Variants in NPHP3 observed in about 807,000 individuals in gnomAD.
The protein encoded by NPHP3 is nephrocystin 3.
Under a neutral mutation model 171.9 loss-of-function variants are expected in NPHP3, and 123 were observed. That is an observed-to-expected ratio of 0.72 (90% CI 0.62 to 0.83). The LOEUF is 0.83. Among genes scored for constraint, NPHP3 ranks in the 40% least tolerant of loss-of-function variants. NPHP3 has a pLI of 0.00. For missense variants in NPHP3, 1,506 were observed against 1,591.9 expected (o/e 0.95, Z 0.92); for synonymous variants, 558 against 579.2 (o/e 0.96, Z 0.52).
At chr3:132,696,873 G>A (rs1026026115) in intron 14 of NPHP3, 60 bp from the exon 15 acceptor site, 319 of 1,320,080 alleles carry the variant, frequency 2.4e-4, no homozygotes, top group African/African-American at 8.7e-5. Context: ...GGAATTAAGC[G>A]GTCTTTACTA....
At chr3:132,693,284 G>A (rs1027054502) in intron 16 of NPHP3, 2 of 173,854 alleles carry the variant, frequency 1.2e-5, no homozygotes, top group Non-Finnish European at 2.4e-5. Context: ...GCTGGCTATG[G>A]GGGCAGTGGA....
chr3:132,708,301 C>T, intron 6 of NPHP3, 44 bp from the exon 7 acceptor site: 1 of 1,591,084 alleles, frequency 6.3e-7, no homozygotes, highest in Non-Finnish European at 8.6e-7. Context: ...TGCATTGTGG[C>T]AGCAAGCAGT....
At chr3:132,694,730 T>C in intron 16 of NPHP3, 97 bp downstream of exon 16, 1 of 1,450,490 alleles carries the variant, frequency 6.9e-7, no homozygotes, top group South Asian at 1.2e-5. Context: ...GCCTGAAACA[T>C]ATTTAAGCAC....
chr3:132,683,526 T>TA lies in NPHP3; in HGVS notation c.3571-3dup, dbSNP rs775946553. Reference sequence around the variant, plus strand: ...AGGTACAGCTTTGTCAAGTTTCCCCTAAAAAACAAGAGTTAAATCTAACAA... The same window carrying TA: ...AGGTACAGCTTTGTCAAGTTTCCCCTAAAAAAACAAGAGTTAAATCTAACAA... On this transcript the variant is annotated splice_polypyrimidine_tract_variant and splice_region_variant and intron_variant, in intron 24 of 26. Coordinates refer to ENST00000337331, the MANE Select transcript of NPHP3 (RefSeq NM_153240.5). The TA allele has an allele frequency of 5.2e-5, 83 of 1,610,706 alleles. No individual in the cohort carries two copies. The highest frequency in any genetic ancestry group is 6.2e-5 in the Non-Finnish European group (73 of 1,177,810).
At position 132,683,471 on chromosome 3, in the gene NPHP3, C is replaced by T. The variant is rs1196330724; in HGVS notation, c.3624G>A (p.Gln1208=). 6.2e-7 allele frequency: 1 copy of T among 1,613,240 alleles called. No homozygotes were observed. The highest frequency in any genetic ancestry group is 8.5e-7 in the Non-Finnish European group (1 of 1,179,332). The change falls in exon 25 of 27, where the codon CAG becomes CAA. Residue 1208 remains glutamine, a synonymous_variant. Transcript: ENST00000337331. ...TAGGGTGCTTTGGGCCAAAAGATTT[C>T]TGTCGAATTTCAACAGCCAATTCAT... ...PLYELAVEIR[Q]KSFGPKHPSV...
chr3:132,688,142 C>T (rs1489918903), intron 21 of NPHP3, among the ~76,000 whole-genome samples: 1 of 152,150 alleles, frequency 6.6e-6, no homozygotes, highest in Non-Finnish European at 1.5e-5. Context: ...CTGCACCTGA[C>T]CTCAAGTGAT....
Position 132,722,394 on chromosome 3 carries a change from G to T in NPHP3, c.-39C>A. The T allele has an allele frequency of 6.4e-7, 1 of 1,557,720 alleles. No homozygotes were observed. Among genetic ancestry groups the T allele is most frequent in the African/African-American group, 1.4e-5 (1 of 71,216 alleles). ...GCTACTACCTAGTGAGTACCAGCAG[G>T]ACTGGGCAGCGGAACGGAACGGGAC... On this transcript the variant is annotated 5_prime_UTR_variant, in exon 1 of 27. Transcript: ENST00000337331.
intron 25 of NPHP3, 54 bp from the exon 26 acceptor site, chr3:132,682,872 A>G: frequency 9.0e-7 from 1 of 1,110,368 alleles, no homozygotes; most frequent in Non-Finnish European, 1.4e-6. Flanking sequence ...AAATTAATGT[A>G]TTCTAGACTA....
At chr3:132,697,408 G>C (rs376208662) in intron 13 of NPHP3, 46 bp from the exon 14 acceptor site, 5 of 1,220,458 alleles carry the variant, frequency 4.1e-6, no homozygotes. Flanking sequence ...AATACAACAA[G>C]AACTGTAATT....
At chr3:132,707,398 G>T (rs544770252) in intron 7 of NPHP3, among the ~76,000 whole-genome samples, 1 of 151,990 alleles carries the variant, frequency 6.6e-6, no homozygotes, top group African/African-American at 2.4e-5. Context: ...CTGAGTCCAG[G>T]AGTTTGAGGC....
chr3:132,692,529 T>C (rs1474018202), intron 17 of NPHP3, 125 bp downstream of exon 17: 5 of 791,024 alleles, frequency 6.3e-6, no homozygotes, highest in Non-Finnish European at 1.1e-5. Flanking sequence ...GACAATGTTG[T>C]ATAGCAGATC....
chr3:132,716,981 A>G, intron 3 of NPHP3, 72 bp from the exon 4 acceptor site: 1 of 1,404,306 alleles, frequency 7.1e-7, no homozygotes, highest in Non-Finnish European at 1.0e-6. Flanking sequence ...ACATATACCG[A>G]ACAGGATTGC....
rs543677434 is a variant in NPHP3, at chr3:132,717,195, A to G, written c.671-286T>C. The G allele has an allele frequency of 5.2e-4, 181 of 350,998 alleles. 3 individuals are homozygous for G. The South Asian group carries it at 5.3e-3, about 10-fold the overall frequency. 21.7% of individuals were successfully genotyped at this position (350,998 alleles called of 1,614,324 possible). On this transcript the variant is annotated intron_variant, in intron 3 of 26. Transcript: ENST00000337331. Reference sequence around the variant, plus strand: ...TCATAATAAGAAGGAAGTTAAAAACATTTTACAAAAAAAAATTCTAAAAAA... The same window carrying G: ...TCATAATAAGAAGGAAGTTAAAAACGTTTTACAAAAAAAAATTCTAAAAAA...
rs762836818 is a variant in NPHP3, at chr3:132,688,738, C to G, written c.3037G>C (p.Glu1013Gln). 2.5e-5 allele frequency: 41 copies of G among 1,613,996 alleles called. No individual in the cohort carries two copies. Among genetic ancestry groups the G allele is most frequent in the Non-Finnish European group, 3.3e-5 (39 of 1,180,004 alleles). ...GCACCATAAGCATTTTCTGAGATTT[C>G]CAACGCCTGTTTATACAGTTGTTCT... ...NAEQLYKQAL[E>Q]ISENAYGADH... is the part of the protein sequence containing the mutation. Residue 1013 changes from glutamate to glutamine, a missense_variant, in exon 21 of 27, where the codon GAA becomes CAA. This residue lies in a region of NPHP3 where 569 missense variants were observed against 648.1 expected (regional missense o/e 0.88). Transcript: ENST00000337331.
intron 8 of NPHP3, among the ~76,000 whole-genome samples, chr3:132,704,909 G>A (rs548485663): frequency 1.5e-4 from 23 of 152,300 alleles, no homozygotes; most frequent in Non-Finnish European, 2.9e-4. Flanking sequence ...TTGCAAGATT[G>A]TGAAGCTCAA....
Position 132,690,533 on chromosome 3 carries a change from A to G in NPHP3, c.2688T>C (p.Tyr896=), listed in dbSNP as rs150489788. The G allele has an allele frequency of 2.4e-5, 39 of 1,612,826 alleles. No homozygotes were observed. The African/African-American group carries it at 5.2e-4, about 22-fold the overall frequency. ...TGTTCTATAATGTTTCTTACCTTTT[A>G]TAAAGGTTTTGAGACACAAAGAGAT... The part of the protein sequence containing the change: ...LLNLFVSQNL[Y]KRGHFAELLS... Residue 896 remains tyrosine (Y), a synonymous_variant, in exon 19 of 27, where the codon TAT becomes TAC. Transcript: ENST00000337331.
Position 132,681,716 on chromosome 3 carries a change from T to A in NPHP3, c.*194A>T, listed in dbSNP as rs1159457185. 1.7e-6 allele frequency: 1 copy of A among 603,230 alleles called. No individual in the cohort carries two copies. Among genetic ancestry groups the A allele is most frequent in the Non-Finnish European group, 2.9e-6 (1 of 340,100 alleles). The allele number at this position is 603,230 out of a possible 1,614,324, so 37.4% of individuals were successfully genotyped here. Reference sequence around the variant, plus strand: ...CTTGGATACCATATAATAGGAAAATTCTTTTAAACAACTAAAACAGACATA... The same window carrying A: ...CTTGGATACCATATAATAGGAAAATACTTTTAAACAACTAAAACAGACATA... On this transcript the variant is annotated 3_prime_UTR_variant, in exon 27 of 27. Transcript: ENST00000337331.
chr3:132,696,588 C>T, intron 15 of NPHP3, 143 bp downstream of exon 15: 2 of 754,802 alleles, frequency 2.6e-6, no homozygotes, highest in South Asian at 1.4e-5. Context: ...CATGTTCTCA[C>T]AAATGTTAGT....
chr3:132,693,766 G>C (rs563773559), intron 16 of NPHP3: 2 of 152,034 alleles, frequency 1.3e-5, no homozygotes, highest in Non-Finnish European at 2.9e-5. Flanking sequence ...CCAGCTACTC[G>C]GGAGGCCGAG....
Sources: allele counts gnomAD v4.1 joint callset (sites outside exome capture counted in the v4.1 genomes callset), GRCh38; gene constraint gnomAD v4.1.1; regional missense constraint gnomAD v4.1.1; transcripts MANE v1.5; gene names NCBI Gene and HGNC (gene_info 2026-07-23, HGNC 2026-07-21).